Variants in IL7 observed in about 807,000 individuals in gnomAD.
IL7 encodes interleukin-7.
Under a neutral mutation model 21.6 loss-of-function variants are expected in IL7, and 3 were observed. That is an observed-to-expected ratio of 0.14 (90% CI 0.06 to 0.36). The LOEUF (loss-of-function observed/expected upper bound fraction) is 0.36. Ranked by LOEUF, IL7 falls within the 10% of genes least tolerant of loss-of-function variation. The pLI, the probability that IL7 is intolerant of heterozygous loss-of-function variation, is 1.00. For synonymous variants in IL7, 62 were observed against 68.1 expected, an observed-to-expected ratio of 0.91 and a Z score of 0.44; for missense variants, 175 against 200.2, an observed-to-expected ratio of 0.87 and a Z score of 0.76.
At chr8:78,700,033 A>G (rs1207415010) in intron 3 of IL7, among the ~76,000 whole-genome samples, 1 of 152,176 alleles carries the variant, frequency 6.6e-6, no homozygotes, top group Non-Finnish European at 1.5e-5. Context: ...TCTTTGAGGA[A>G]TTGCCACACT....
At chr8:78,698,654 A>G (rs1341612293) in intron 3 of IL7, 3 of 534,734 alleles carry the variant, frequency 5.6e-6, no homozygotes, top group Non-Finnish European at 9.1e-6. Flanking sequence ...TCAGGAGCAC[A>G]CTCACTGCTG....
At chr8:78,701,443 G>A (rs1384633149) in intron 3 of IL7, among the ~76,000 whole-genome samples, 1 of 152,148 alleles carries the variant, frequency 6.6e-6, no homozygotes, top group African/African-American at 2.4e-5. Flanking sequence ...CTGCCAGCAG[G>A]GATAGTTTGA....
chr8:78,746,597 G>T (rs1023589489), intron 2 of IL7, among the ~76,000 whole-genome samples: 3 of 152,164 alleles, frequency 2.0e-5, no homozygotes, highest in Non-Finnish European at 2.9e-5. Flanking sequence ...AATTTAAGCT[G>T]TACCTCTTGT....
intron 2 of IL7, among the ~76,000 whole-genome samples, chr8:78,777,038 C>T (rs1191348756): frequency 6.6e-6 from 1 of 152,016 alleles, no homozygotes; most frequent in Admixed American, 6.6e-5. Flanking sequence ...TAATAACCTG[C>T]ATAATAAGCA....
At chr8:78,730,403 G>A (rs190497534), downstream of IL7, among the ~76,000 whole-genome samples, 91 of 151,930 alleles carry the variant, frequency 6.0e-4, no homozygotes, top group East Asian at 0.017. Flanking sequence ...CTTGTCCTAC[G>A]ATATTTCCAT....
intron 6 of IL7, chr8:78,718,971 G>A (rs1450525722): frequency 2.0e-5 from 3 of 151,586 alleles, no homozygotes; most frequent in African/African-American, 7.2e-5. Flanking sequence ...AGTTTGGGCA[G>A]GAGTTACAAA....
At chr8:78,689,258 A>G (rs142420326) in intron 3 of IL7, 58 of 1,592,086 alleles carry the variant, frequency 3.6e-5, no homozygotes, top group African/African-American at 8.1e-5. Flanking sequence ...AGGAGATTCA[A>G]TGAAAATGCA....
At chr8:78,775,494 C>T (rs72661370) in intron 2 of IL7, among the ~76,000 whole-genome samples, 6,706 of 152,118 alleles carry the variant, frequency 0.044, 212 homozygotes, top group Middle Eastern at 0.082. Context: ...GCATTTCTGA[C>T]ATTGAATAGT....
At chr8:78,693,652 A>G (rs577067527) in intron 3 of IL7, among the ~76,000 whole-genome samples, 345 of 152,124 alleles carry the variant, frequency 2.3e-3, no homozygotes, top group African/African-American at 7.9e-3. Flanking sequence ...AGATGAGTAG[A>G]TTGCAAAAAT....
intron 2 of IL7, 39 bp from the exon 3 acceptor site, chr8:78,740,121 G>A: frequency 8.5e-7 from 1 of 1,170,958 alleles, no homozygotes; most frequent in South Asian, 2.3e-5. Context: ...TTAAAACTGA[G>A]TACTTTTCTA....
At chr8:78,801,041 G>A (rs1208836116) in intron 1 of IL7, among the ~76,000 whole-genome samples, 1 of 152,088 alleles carries the variant, frequency 6.6e-6, no homozygotes, top group African/African-American at 2.4e-5. Context: ...TTTCCAATGA[G>A]GGTTGCTGGA....
At chr8:78,798,253 T>C in intron 1 of IL7, 45 bp from the exon 2 acceptor site, 1 of 1,397,578 alleles carries the variant, frequency 7.2e-7, no homozygotes. Context: ...TTATATCGTA[T>C]TGCATTTGAT....
At chr8:78,768,651 A>C (rs1471078804) in intron 2 of IL7, among the ~76,000 whole-genome samples, 2 of 151,234 alleles carry the variant, frequency 1.3e-5, no homozygotes, top group Non-Finnish European at 2.9e-5. Flanking sequence ...GTTTGAGTTC[A>C]TTGTAGATTC....
chr8:78,697,382 T>G (rs1810457206), intron 3 of IL7: 1 of 1,537,950 alleles, frequency 6.5e-7, no homozygotes, highest in African/African-American at 1.4e-5. Context: ...TGATGTTGAT[T>G]AATATTTTTT....
chr8:78,693,929 C>G (rs909912149), intron 3 of IL7, among the ~76,000 whole-genome samples: 1 of 152,136 alleles, frequency 6.6e-6, no homozygotes, highest in Non-Finnish European at 1.5e-5. Flanking sequence ...AGGAAGGGAT[C>G]CAGTTTCAGC....
intron 6 of IL7, chr8:78,718,828 C>G (rs997325908): frequency 3.3e-5 from 5 of 151,440 alleles, no homozygotes; most frequent in African/African-American, 7.3e-5. Context: ...GAGCTTTGAT[C>G]TTACTGTAAA....
intron 2 of IL7, among the ~76,000 whole-genome samples, chr8:78,747,435 T>C (rs1481162269): frequency 6.6e-6 from 1 of 152,148 alleles, no homozygotes; most frequent in Non-Finnish European, 1.5e-5. Context: ...AGTAGAAATA[T>C]TTTTCATTTC....
At chr8:78,760,672 G>A (rs1812522721) in intron 2 of IL7, 4 of 1,594,206 alleles carry the variant, frequency 2.5e-6, no homozygotes, top group African/African-American at 1.4e-5. Flanking sequence ...CCTGAATAAT[G>A]TGCTCCACTG....
chr8:78,717,306 C>T (rs1350297709), downstream of IL7: 2 of 1,596,350 alleles, frequency 1.3e-6, no homozygotes, highest in Non-Finnish European at 1.7e-6. Flanking sequence ...TTTATCTTTT[C>T]ATTGTTTCTT....
Sources: allele counts gnomAD v4.1 joint callset (sites outside exome capture counted in the v4.1 genomes callset), GRCh38; gene constraint gnomAD v4.1.1; transcripts MANE v1.5; gene names NCBI Gene and HGNC (gene_info 2026-07-23, HGNC 2026-07-21).